The following ADD1 variants were observed in gnomAD, a reference collection of about 807,000 sequenced individuals.
The protein encoded by ADD1 is alpha-adducin.
Under a neutral mutation model 80.5 loss-of-function variants are expected in ADD1, and 24 were observed. The observed-to-expected ratio is 0.30, with a 90% CI of 0.22 to 0.42. The LOEUF is 0.42. ADD1 is among the 10% of genes least tolerant of loss of function. The probability of loss-of-function intolerance (pLI) is 1.00; values close to 1 mark genes in which losing one functional copy is unlikely to be tolerated. For missense variants in ADD1, 948 were observed against 1,019.0 expected, an observed-to-expected ratio of 0.93 and a Z score of 0.95; for synonymous variants, 373 against 393.8, an observed-to-expected ratio of 0.95 and a Z score of 0.63.
chr4:2,926,167 G>C lies in ADD1; in HGVS notation c.2047+55G>C. 2.0e-6 allele frequency: 3 copies of C among 1,472,760 alleles called. No individual in the cohort carries two copies. The highest frequency in any genetic ancestry group is 2.8e-6 in the Non-Finnish European group (3 of 1,052,806). The allele number at this position is 1,472,760 out of a possible 1,614,324, so 91.2% of individuals were successfully genotyped here. A position where few individuals can be genotyped will look rare whatever the true frequency, so the allele number is the denominator to read the frequency against. The stretch of plus-strand genomic sequence containing the variant: ...GTGGGAGGGTGCACGGCTCGTGCGC[G>C]CTGTGGCGGAATGTGGCGGGAGTCG... On this transcript the variant is annotated intron_variant, in intron 15 of 15. Coordinates refer to ENST00000683351, the MANE Select transcript of ADD1 (RefSeq NM_001354761.2). This position sits in a 1 kb window ranked among gnomAD's most constrained non-coding sequence, Gnocchi z 5.0.
At chr4:2,880,937 T>C (rs545889728) in intron 2 of ADD1, among the ~76,000 whole-genome samples, 21 of 152,056 alleles carry the variant, frequency 1.4e-4, no homozygotes, top group Non-Finnish European at 2.8e-4. Flanking sequence ...GGATGGATGG[T>C]TAGGGTTTTT....
intron 1 of ADD1, among the ~76,000 whole-genome samples, chr4:2,873,878 A>C (rs187369163): frequency 6.6e-6 from 1 of 152,342 alleles, no homozygotes. Flanking sequence ...TAACCAGAAT[A>C]AATTAAACAA....
Position 2,907,819 on chromosome 4 carries a change from A to G in ADD1, c.1583A>G (p.Lys528Arg). ...NLFVPLNTNP[K>R]EVQEMRNKIR... is the part of the protein sequence containing the mutation. The stretch of plus-strand genomic sequence containing the variant: ...TTTGTTCCATTGAACACTAACCCAA[A>G]AGAGGTCCAGGAGATGAGGAACAAG... The change falls in exon 11 of 16, where the codon AAA (lysine) becomes AGA (arginine). Residue 528 changes from lysine to arginine, a missense_variant. Lys to Arg is a conservative substitution (Grantham distance 26). Coordinates refer to ENST00000683351, the MANE Select transcript of ADD1 (RefSeq NM_001354761.2). 1.9e-6 allele frequency: 3 copies of G among 1,613,946 alleles called. No homozygotes were observed. The highest frequency in any genetic ancestry group is 2.2e-5 in the South Asian group (2 of 91,076).
intron 13 of ADD1, among the ~76,000 whole-genome samples, chr4:2,914,037 T>TG (rs1245072926): frequency 1.4e-5 from 2 of 143,478 alleles, no homozygotes; most frequent in Admixed American, 7.2e-5. Flanking sequence ...CCAGCCTGGG[T>TG]GACAGTGCGA....
Position 2,928,170 on chromosome 4 carries a change from G to A in ADD1, c.2048-1G>A. ...ATCCCATCTCTCACCTCACCCACTA[G>A]ACCTTGTGCCGGAGCCGACTACTGG... is the stretch of plus-strand genomic sequence containing the variant. On this transcript the variant is annotated splice_acceptor_variant, in intron 15 of 15. Coordinates refer to ENST00000683351, the MANE Select transcript of ADD1 (RefSeq NM_001354761.2). LOFTEE classifies it high-confidence loss of function. 6.2e-7 allele frequency: 1 copy of A among 1,613,916 alleles called. No homozygotes were observed. The highest frequency in any genetic ancestry group is 8.5e-7 in the Non-Finnish European group (1 of 1,179,902).
In ADD1 at chr4:2,894,068, A is replaced by G; in HGVS notation, c.566A>G (p.Tyr189Cys). ...HFLIVPFGLL[Y>C]SEVTASSLVK... ...CTCATTGTCCCTTTTGGGCTTCTTTACAGTGAAGTGACTGCATCCAGTTTG... is the reference window on the plus strand; with the variant it reads ...CTCATTGTCCCTTTTGGGCTTCTTTGCAGTGAAGTGACTGCATCCAGTTTG... Residue 189 changes from tyrosine (Y) to cysteine (C), a missense_variant, in exon 5 of 16, where the codon TAC (tyrosine) becomes TGC (cysteine). Physicochemically the swap from Tyr to Cys is radical, Grantham distance 194. Transcript: ENST00000683351. 1 of 1,614,074 alleles carries G rather than the reference A, an allele frequency of 6.2e-7. No homozygotes were observed. Among genetic ancestry groups the G allele is most frequent in the Non-Finnish European group, 8.5e-7 (1 of 1,179,960 alleles).
rs189676647 is a variant in ADD1 at position 2,860,769 on chromosome 4, A to G, written c.-20-15127A>G. Among the ~76,000 whole-genome samples the G allele has an allele frequency of 5.3e-5, 8 of 152,332 alleles. No individual in the cohort carries two copies. In the East Asian group the frequency reaches 1.5e-3, roughly 29 times the overall value. The stretch of plus-strand genomic sequence containing the variant: ...CAGGCACTTATTCTAAGCATTTTAC[A>G]TGCATTAACCTGTTGTTAAACTCAT... On this transcript the variant is annotated intron_variant, in intron 1 of 15. Transcript: ENST00000683351.
chr4:2,892,787 T>C lies in ADD1; in HGVS notation c.511-1226T>C, dbSNP rs184084439. Among the ~76,000 whole-genome samples, 167 of 151,914 alleles carry C rather than the reference T, an allele frequency of 1.1e-3. 1 individual carries two copies. Among genetic ancestry groups the C allele is most frequent in the Admixed American group, 3.6e-3 (55 of 15,254 alleles). ...AGGTTGAGGCTGCAGTGAGCATGAT[T>C]GCGCCACTGCATTACAGCCTGGGTA... On this transcript the variant is annotated intron_variant, in intron 4 of 15. Coordinates refer to ENST00000683351, the MANE Select transcript of ADD1 (RefSeq NM_001354761.2).
Position 2,928,556 on chromosome 4 carries a change from G to T in ADD1, c.*33G>T. 2 of 1,586,232 alleles carry T rather than the reference G, an allele frequency of 1.3e-6. No homozygotes were observed. Among genetic ancestry groups the T allele is most frequent in the South Asian group, 2.3e-5 (2 of 87,070 alleles). ...GCGCTAACACTGTCCTGTCCGGAGCGACCCTGGCTCTGCCAGCGTCCCCGG... is the reference window on the plus strand; with the variant it reads ...GCGCTAACACTGTCCTGTCCGGAGCTACCCTGGCTCTGCCAGCGTCCCCGG... On this transcript the variant is annotated 3_prime_UTR_variant, in exon 16 of 16. Coordinates refer to ENST00000683351, the MANE Select transcript of ADD1 (RefSeq NM_001354761.2).
chr4:2,885,871 A>G (rs976024799), intron 4 of ADD1, among the ~76,000 whole-genome samples: 7 of 151,960 alleles, frequency 4.6e-5, no homozygotes, highest in South Asian at 2.1e-4. Context: ...TGGCCTCCCA[A>G]AGTGCTGGGA....
intron 1 of ADD1, among the ~76,000 whole-genome samples, chr4:2,873,809 A>G (rs1308029153): frequency 6.6e-6 from 1 of 152,212 alleles, no homozygotes; most frequent in Non-Finnish European, 1.5e-5. Context: ...TTGCCAGATA[A>G]CTCTTATTGT....
At chr4:2,871,023 C>T (rs1294342751) in intron 1 of ADD1, among the ~76,000 whole-genome samples, 1 of 149,234 alleles carries the variant, frequency 6.7e-6, no homozygotes, top group African/African-American at 2.5e-5. Flanking sequence ...GGTTGGAGTG[C>T]AGTGGCATGA....
At chr4:2,902,986 A>G (rs1474688389) in intron 9 of ADD1, 4 of 152,096 alleles carry the variant, frequency 2.6e-5, no homozygotes, top group South Asian at 4.2e-4. Flanking sequence ...AGATGGCGCC[A>G]CTGCACTCCA....
At position 2,859,441 on chromosome 4, in the gene ADD1, C is replaced by G. The variant is rs1410914421; in HGVS notation, c.-21+15417C>G. Reference sequence around the variant, plus strand: ...TTTTTCAGATGTGTAGAAATAAATACATCAAGATCTCAACAGATATGTGTA... The same window carrying G: ...TTTTTCAGATGTGTAGAAATAAATAGATCAAGATCTCAACAGATATGTGTA... On this transcript the variant is annotated intron_variant, in intron 1 of 15. Coordinates refer to ENST00000683351, the MANE Select transcript of ADD1 (RefSeq NM_001354761.2). Among the ~76,000 whole-genome samples, 3 of 152,008 alleles carry G rather than the reference C, an allele frequency of 2.0e-5. No homozygotes were observed. The East Asian group carries it at 5.8e-4, about 29-fold the overall frequency.
chr4:2,853,608 T>G (rs375697264), intron 1 of ADD1: 1 of 151,002 alleles, frequency 6.6e-6, no homozygotes, highest in Non-Finnish European at 1.5e-5. Context: ...TATTATGTTG[T>G]TTTTTTTTCT....
chr4:2,875,923 G>A lies in ADD1; in HGVS notation c.8G>A (p.Gly3Asp), dbSNP rs113693299. 1 of 1,591,332 alleles carries A rather than the reference G, an allele frequency of 6.3e-7. No homozygotes were observed. Among genetic ancestry groups the A allele is most frequent in the Admixed American group, 1.9e-5 (1 of 53,476 alleles). Reference protein sequence around the residue: MNGDSRAAVVTSP... With the variant: MNDDSRAAVVTSP... Reference sequence around the variant, plus strand: ...ACCTAGAAAGATTGTACAATGAATGGTGATTCTCGTGCTGCGGTGGTGACC... The same window carrying A: ...ACCTAGAAAGATTGTACAATGAATGATGATTCTCGTGCTGCGGTGGTGACC... Residue 3 changes from glycine (G) to aspartate (D), a missense_variant, in exon 2 of 16, where the codon GGT (glycine) becomes GAT (aspartate). Physicochemically the swap from Gly to Asp is moderately conservative, Grantham distance 94. Transcript: ENST00000683351.
chr4:2,878,507 C>T (rs1242250233), intron 2 of ADD1, among the ~76,000 whole-genome samples: 3 of 151,930 alleles, frequency 2.0e-5, no homozygotes, highest in Middle Eastern at 3.2e-3. Context: ...AAAAATGACT[C>T]GGGATAGTTG....
At chr4:2,899,774 A>T (rs559573734) in intron 9 of ADD1, 60 of 373,282 alleles carry the variant, frequency 1.6e-4, no homozygotes, top group African/African-American at 1.2e-3. Context: ...CACTTTTGAA[A>T]TCGGTCAGTC....
At chr4:2,901,863 A>C in intron 9 of ADD1, 1 of 148,930 alleles carries the variant, frequency 6.7e-6, no homozygotes, top group African/African-American at 2.4e-5. Context: ...CCCCCCAAAA[A>C]AAATCAAGAT....
Sources: gnomAD v4.1 joint callset for allele counts (sites outside exome capture counted in the v4.1 genomes callset) on GRCh38, gnomAD v4.1.1 for gene constraint, Gnocchi (gnomAD v3.1) non-coding constraint, MANE v1.5 for transcripts, NCBI Gene and HGNC (gene_info 2026-07-23, HGNC 2026-07-21) for gene names.